Variants in CSMD1 observed in about 807,000 individuals in gnomAD.
CSMD1 encodes the protein CUB and Sushi multiple domains 1.
A neutral mutation model predicts 417.5 loss-of-function variants in CSMD1; 213 were observed. That is an observed-to-expected ratio of 0.51 (90% confidence interval 0.46 to 0.57). The LOEUF (loss-of-function observed/expected upper bound fraction) is 0.57, where lower values mean the gene tolerates loss of function less well. Among genes scored for constraint, CSMD1 ranks in the 20% least tolerant of loss-of-function variants. The pLI is 0.00. For missense variants in CSMD1, 6,923 were observed against 4,529.7 expected (o/e 1.53, Z -15.17); for synonymous variants, 2,862 against 1,736.8 (o/e 1.65, Z -16.11).
intron 3 of CSMD1, among the ~76,000 whole-genome samples, chr8:4,230,618 T>C (rs1014136152): frequency 2.0e-5 from 3 of 152,188 alleles, no homozygotes; most frequent in Admixed American, 2.0e-4. Flanking sequence ...AAGATGTTTT[T>C]AAACCCCCAA....
chr8:4,146,710 C>T (rs1194567240), intron 3 of CSMD1, among the ~76,000 whole-genome samples: 4 of 141,578 alleles, frequency 2.8e-5, no homozygotes, highest in African/African-American at 8.2e-5. Context: ...CTCCCGAGTT[C>T]ACGCCATTCT....
At chr8:4,317,796 G>A (rs1799020850) in intron 3 of CSMD1, among the ~76,000 whole-genome samples, 3 of 152,100 alleles carry the variant, frequency 2.0e-5, no homozygotes, top group African/African-American at 4.8e-5. Context: ...ATAGTAAAGT[G>A]CCTGATACAT....
chr8:3,514,863 T>TA (rs1401368318), intron 10 of CSMD1, among the ~76,000 whole-genome samples: 1 of 152,122 alleles, frequency 6.6e-6, no homozygotes, highest in Non-Finnish European at 1.5e-5. Flanking sequence ...AATGACTTTT[T>TA]AAAAAATCAG....
At position 3,308,194 on chromosome 8, in the gene CSMD1, C is replaced by G. The variant is rs1805037358; in HGVS notation, c.3823+118G>C. On this transcript the variant is annotated intron_variant, in intron 24 of 69. Transcript: ENST00000635120. ...TGCAAATCTCAGAATACATAAAACTCACACTGGAAAGTGTGATAAAATTCC... is the reference window on the plus strand; with the variant it reads ...TGCAAATCTCAGAATACATAAAACTGACACTGGAAAGTGTGATAAAATTCC... 6.4e-6 allele frequency: 5 copies of G among 778,418 alleles called. 1 individual carries two copies. In the Middle Eastern group the frequency reaches 1.2e-3, roughly 182 times the overall value. The allele number at this position is 778,418 out of a possible 1,614,324, so 48.2% of individuals were successfully genotyped here. A position where few individuals can be genotyped will look rare whatever the true frequency, so the allele number is the denominator to read the frequency against.
intron 2 of CSMD1, among the ~76,000 whole-genome samples, chr8:4,458,713 T>G (rs1335515023): frequency 6.6e-6 from 1 of 152,200 alleles, no homozygotes; most frequent in Non-Finnish European, 1.5e-5. Context: ...ATTATTTCTT[T>G]ATTAGTGGGA....
intron 26 of CSMD1, among the ~76,000 whole-genome samples, chr8:3,268,005 T>C (rs1801556421): frequency 6.6e-6 from 1 of 152,124 alleles, no homozygotes; most frequent in Admixed American, 6.5e-5. Flanking sequence ...GTGGGCTCAG[T>C]TGCCTCTGTC....
At chr8:3,699,353 T>C (rs1447460660) in intron 7 of CSMD1, among the ~76,000 whole-genome samples, 2 of 152,216 alleles carry the variant, frequency 1.3e-5, no homozygotes, top group Non-Finnish European at 2.9e-5. Context: ...CTGACATGGA[T>C]GAATTATTTA....
In CSMD1 at chr8:3,687,658, G is replaced by A. The variant is rs745784797; in HGVS notation, c.1009+20756C>T. Among the ~76,000 whole-genome samples, 6 of 152,264 alleles carry A rather than the reference G, an allele frequency of 3.9e-5. No individual in the cohort carries two copies. In the South Asian group the frequency reaches 6.2e-4, roughly 16 times the overall value. On this transcript the variant is annotated intron_variant, in intron 7 of 69. Transcript: ENST00000635120. ...CCCTTGTTCATTTGTGCTGAGTGGCGCACGCTAGGACCGAGGCTCCCTGAG... is the reference window on the plus strand; with the variant it reads ...CCCTTGTTCATTTGTGCTGAGTGGCACACGCTAGGACCGAGGCTCCCTGAG...
chr8:4,967,034 A>C (rs894305969), intron 1 of CSMD1, among the ~76,000 whole-genome samples: 1 of 152,204 alleles, frequency 6.6e-6, no homozygotes, highest in Non-Finnish European at 1.5e-5. Context: ...TTGACCAGAC[A>C]TCGCAGTGTT....
At chr8:3,780,525 C>A (rs10503217) in intron 5 of CSMD1, among the ~76,000 whole-genome samples, 1 of 152,044 alleles carries the variant, frequency 6.6e-6, no homozygotes, top group African/African-American at 2.4e-5. Context: ...TGTGGTACTA[C>A]TGAATTGGAT....
chr8:4,421,954 T>G (rs1797273399), intron 2 of CSMD1, among the ~76,000 whole-genome samples: 1 of 152,004 alleles, frequency 6.6e-6, no homozygotes, highest in African/African-American at 2.4e-5. Context: ...GTCACTGTCA[T>G]TAAACATCAA....
chr8:3,384,777 ATATAATATATATT>A, intron 18 of CSMD1, among the ~76,000 whole-genome samples: 1 of 122,618 alleles, frequency 8.2e-6, no homozygotes, highest in East Asian at 2.2e-4. Flanking sequence ...ATATATATTT[ATATAATATATATT>A]AATATATGCT....
chr8:3,441,014 T>C (rs1383296734), intron 12 of CSMD1, among the ~76,000 whole-genome samples: 2 of 152,198 alleles, frequency 1.3e-5, no homozygotes, highest in Non-Finnish European at 2.9e-5. Flanking sequence ...TCCTGGATTA[T>C]GTTGGTGTCC....
chr8:4,894,595 G>A (rs564757085), intron 1 of CSMD1, among the ~76,000 whole-genome samples: 2 of 151,382 alleles, frequency 1.3e-5, no homozygotes, highest in African/African-American at 4.9e-5. Flanking sequence ...GCAATATTGT[G>A]AATGAAATAA....
chr8:4,741,113 T>C (rs369761485), intron 1 of CSMD1, among the ~76,000 whole-genome samples: 14 of 152,338 alleles, frequency 9.2e-5, no homozygotes, highest in East Asian at 5.8e-4. Flanking sequence ...TCCATCCTAG[T>C]ATCTCCTCTT....
intron 3 of CSMD1, among the ~76,000 whole-genome samples, chr8:4,247,053 G>T (rs914254477): frequency 5.3e-5 from 8 of 152,108 alleles, no homozygotes; most frequent in African/African-American, 1.7e-4. Flanking sequence ...AAAATATAAA[G>T]TGAAGAAGAC....
chr8:4,528,807 T>TAC (rs1316069377), intron 2 of CSMD1, among the ~76,000 whole-genome samples: 34 of 148,174 alleles, frequency 2.3e-4, no homozygotes, highest in Middle Eastern at 6.8e-3. Context: ...CTCTCTCTCA[T>TAC]ACACACACAC....
chr8:3,315,192 C>A (rs1223893687), intron 23 of CSMD1, among the ~76,000 whole-genome samples: 2 of 152,110 alleles, frequency 1.3e-5, no homozygotes, highest in Admixed American at 6.6e-5. Flanking sequence ...CACACCATTT[C>A]CTTCAGTGTA....
intron 32 of CSMD1, among the ~76,000 whole-genome samples, chr8:3,201,031 A>G (rs1246691229): frequency 6.6e-6 from 1 of 152,170 alleles, no homozygotes. Context: ...GAGTAAGGGC[A>G]TTGGGTGCAT....
Sources: gnomAD v4.1 joint callset for allele counts (sites outside exome capture counted in the v4.1 genomes callset) on GRCh38, gnomAD v4.1.1 for gene constraint, MANE v1.5 for transcripts, NCBI Gene and HGNC (gene_info 2026-07-23, HGNC 2026-07-21) for gene names.